Variants in TXNDC9 observed in about 807,000 individuals in gnomAD.
TXNDC9 encodes the protein thioredoxin domain containing 9.
TXNDC9 carries 7 observed loss-of-function variants against 23.0 expected under a neutral mutation model. That is an observed-to-expected ratio of 0.30 (90% CI 0.17 to 0.57). The LOEUF (loss-of-function observed/expected upper bound fraction) is 0.57. Among genes scored for constraint, TXNDC9 ranks in the 20% least tolerant of loss-of-function variants. TXNDC9 has a pLI of 0.90. For synonymous variants in TXNDC9, 72 were observed against 90.6 expected, an observed-to-expected ratio of 0.79 and a Z score of 1.17; for missense variants, 198 against 252.6, an observed-to-expected ratio of 0.78 and a Z score of 1.47.
At position 99,322,217 on chromosome 2, in the gene TXNDC9, T is replaced by G. The variant is rs2094203468; in HGVS notation, c.309-8A>C. The G allele has an allele frequency of 6.2e-7, 1 of 1,601,814 alleles. No individual in the cohort carries two copies. The highest frequency in any genetic ancestry group is 1.3e-5 in the African/African-American group (1 of 74,590). On this transcript the variant is annotated splice_region_variant and splice_polypyrimidine_tract_variant and intron_variant, in intron 3 of 4. Transcript: ENST00000264255. ...CTGTCTAGTATTTTACACCTGTAAG[T>G]GACCACACATAGAAAATTATAAGCT...
rs549252002 is a variant in TXNDC9 at position 99,334,339 on chromosome 2, A to G, written c.-32-1097T>C. Reference sequence around the variant, plus strand: ...ACTTGCACCCCACCCTGGGCAACAGAGCCAGACCCTGTCTCAAAAACCAAA... The same window carrying G: ...ACTTGCACCCCACCCTGGGCAACAGGGCCAGACCCTGTCTCAAAAACCAAA... On this transcript the variant is annotated intron_variant, in intron 1 of 4. Transcript: ENST00000264255. Among the ~76,000 whole-genome samples the G allele has an allele frequency of 5.3e-5, 8 of 152,342 alleles. No homozygotes were observed. In the South Asian group the frequency reaches 1.7e-3, roughly 32 times the overall value.
intron 1 of TXNDC9, among the ~76,000 whole-genome samples, chr2:99,334,168 T>A (rs1361250236): frequency 6.6e-6 from 1 of 152,140 alleles, no homozygotes; most frequent in African/African-American, 2.4e-5. Context: ...CTGGGAAACA[T>A]GATGGAACCC....
chr2:99,327,136 G>A (rs977195886), intron 3 of TXNDC9, among the ~76,000 whole-genome samples: 1 of 151,774 alleles, frequency 6.6e-6, no homozygotes, highest in African/African-American at 2.4e-5. Context: ...GCAGTGTCGC[G>A]ATCTCCGCTC....
chr2:99,320,496 T>C (rs1032032449), intron 4 of TXNDC9, among the ~76,000 whole-genome samples: 2 of 152,124 alleles, frequency 1.3e-5, no homozygotes, highest in Non-Finnish European at 2.9e-5. Context: ...TGGGAGATGT[T>C]CTCCAAAATA....
At chr2:99,323,690 T>G (rs2094207410) in intron 3 of TXNDC9, among the ~76,000 whole-genome samples, 1 of 152,102 alleles carries the variant, frequency 6.6e-6, no homozygotes, top group Non-Finnish European at 1.5e-5. Context: ...GAGCTAAGAT[T>G]ACACCACTGC....
At chr2:99,328,255 G>C (rs1315061663) in intron 2 of TXNDC9, among the ~76,000 whole-genome samples, 1 of 108,294 alleles carries the variant, frequency 9.2e-6, no homozygotes, top group Non-Finnish European at 1.9e-5. Flanking sequence ...GCCACACCAC[G>C]CCTGGCATTT....
chr2:99,332,931 G>C (rs2094229380), intron 2 of TXNDC9, 91 bp downstream of exon 2: 8 of 1,101,350 alleles, frequency 7.3e-6, no homozygotes, highest in Non-Finnish European at 8.0e-6. Context: ...TAAACACAAA[G>C]AACGAAATGT....
At chr2:99,327,972 A>G (rs528277672) in intron 2 of TXNDC9, among the ~76,000 whole-genome samples, 1 of 152,020 alleles carries the variant, frequency 6.6e-6, no homozygotes, top group East Asian at 1.9e-4. Flanking sequence ...TTTAGCAGAG[A>G]TGGGTTTTCA....
chr2:99,316,784 TCTCA>T (rs1438070623), downstream of TXNDC9, among the ~76,000 whole-genome samples: 4 of 151,672 alleles, frequency 2.6e-5, no homozygotes, highest in Non-Finnish European at 4.4e-5. Flanking sequence ...TGAGATGGAG[TCTCA>T]CTCTGTCGCC....
chr2:99,333,585 C>T (rs893029746), intron 1 of TXNDC9, among the ~76,000 whole-genome samples: 1 of 152,126 alleles, frequency 6.6e-6, no homozygotes, highest in Admixed American at 6.5e-5. Flanking sequence ...TACTGACAAT[C>T]AGTGTTCTTT....
chr2:99,335,102 G>A (rs972794476), intron 1 of TXNDC9, among the ~76,000 whole-genome samples: 1 of 152,196 alleles, frequency 6.6e-6, no homozygotes, highest in Non-Finnish European at 1.5e-5. Context: ...GTGTATCTCA[G>A]GGTTATTACT....
At chr2:99,333,628 G>C (rs902407014) in intron 1 of TXNDC9, among the ~76,000 whole-genome samples, 2 of 152,064 alleles carry the variant, frequency 1.3e-5, no homozygotes, top group African/African-American at 4.8e-5. Flanking sequence ...AAACAACTGC[G>C]AACAATAGGA....
At chr2:99,326,919 A>C (rs2094213778) in intron 3 of TXNDC9, among the ~76,000 whole-genome samples, 3 of 152,356 alleles carry the variant, frequency 2.0e-5, no homozygotes, top group African/African-American at 7.2e-5. Context: ...TAAGAATTTT[A>C]AGTGTACATT....
intron 1 of TXNDC9, among the ~76,000 whole-genome samples, chr2:99,334,901 A>G (rs2094235079): frequency 6.6e-6 from 1 of 152,322 alleles, no homozygotes; most frequent in Non-Finnish European, 1.5e-5. Flanking sequence ...TTTTTAGTAC[A>G]GACGGGGTTT....
chr2:99,326,743 C>G (rs1371064950), intron 3 of TXNDC9, among the ~76,000 whole-genome samples: 5 of 152,294 alleles, frequency 3.3e-5, no homozygotes, highest in African/African-American at 1.2e-4. Flanking sequence ...CTGGCAGTCC[C>G]AACTCTGCTC....
At chr2:99,327,982 A>G (rs2094216763) in intron 2 of TXNDC9, among the ~76,000 whole-genome samples, 1 of 151,652 alleles carries the variant, frequency 6.6e-6, no homozygotes, top group Admixed American at 6.6e-5. Flanking sequence ...ATGGGTTTTC[A>G]CCATGTTGGC....
intron 1 of TXNDC9, among the ~76,000 whole-genome samples, chr2:99,335,515 G>C (rs1266491006): frequency 6.6e-6 from 1 of 151,902 alleles, no homozygotes; most frequent in Admixed American, 6.6e-5. Context: ...AGCTCCTCGT[G>C]AGTGCTATAA....
At chr2:99,327,942 G>A (rs1297345304) in intron 2 of TXNDC9, among the ~76,000 whole-genome samples, 1 of 151,700 alleles carries the variant, frequency 6.6e-6, no homozygotes, top group Non-Finnish European at 1.5e-5. Context: ...GCACCAGTAT[G>A]TCCAGCTACT....
downstream of TXNDC9, among the ~76,000 whole-genome samples, chr2:99,314,727 C>T (rs1382491037): frequency 6.6e-6 from 1 of 150,716 alleles, no homozygotes; most frequent in Non-Finnish European, 1.5e-5. Context: ...GACGGGGTTT[C>T]ACCATGTTGT....
Sources: gnomAD v4.1 joint callset for allele counts (sites outside exome capture counted in the v4.1 genomes callset) on GRCh38, gnomAD v4.1.1 for gene constraint, MANE v1.5 for transcripts, NCBI Gene and HGNC (gene_info 2026-07-23, HGNC 2026-07-21) for gene names.